The following DLG2 variants were observed in gnomAD, a reference collection of about 807,000 sequenced individuals.
DLG2 encodes discs large MAGUK scaffold protein 2, also known as disks large homolog 2.
In DLG2, 45 loss-of-function variants were observed where a neutral mutation model predicts 132.5. The observed-to-expected ratio is 0.34, with a 90% CI of 0.27 to 0.44. DLG2 has a LOEUF of 0.44. Among genes scored for constraint, DLG2 ranks in the 20% least tolerant of loss-of-function variants. DLG2 has a pLI of 1.00. For synonymous variants in DLG2, 424 were observed against 419.6 expected, an observed-to-expected ratio of 1.01 and a Z score of -0.13; for missense variants, 1,045 against 1,196.9, an observed-to-expected ratio of 0.87 and a Z score of 1.87.
intron 19 of DLG2, among the ~76,000 whole-genome samples, chr11:83,559,677 G>GCACTATATCCACT (rs2096577791): frequency 6.6e-6 from 1 of 152,196 alleles, no homozygotes; most frequent in African/African-American, 2.4e-5. Context: ...CTATATCCAT[G>GCACTATATCCACT]AGCCTATAGT....
At chr11:85,119,580 T>G (rs1229223505) in intron 5 of DLG2, among the ~76,000 whole-genome samples, 2 of 152,060 alleles carry the variant, frequency 1.3e-5, no homozygotes, top group African/African-American at 4.8e-5. Flanking sequence ...ATATTATTAC[T>G]ACTATAGAAA....
At chr11:84,861,173 C>T (rs1271849417) in intron 6 of DLG2, among the ~76,000 whole-genome samples, 3 of 151,940 alleles carry the variant, frequency 2.0e-5, no homozygotes, top group South Asian at 2.1e-4. Flanking sequence ...GGAACAATTT[C>T]CAGTGGTGGG....
At chr11:84,640,882 G>A (rs1037173747) in intron 6 of DLG2, among the ~76,000 whole-genome samples, 39 of 150,982 alleles carry the variant, frequency 2.6e-4, no homozygotes. Context: ...GGAGGTTGCA[G>A]TGAGCTGCGA....
At chr11:84,684,011 T>C (rs1456723749) in intron 6 of DLG2, among the ~76,000 whole-genome samples, 1 of 152,202 alleles carries the variant, frequency 6.6e-6, no homozygotes. Flanking sequence ...CTTGCATGAA[T>C]GTAGTTTTTC....
intron 6 of DLG2, among the ~76,000 whole-genome samples, chr11:85,006,052 C>A (rs7934113): frequency 0.036 from 5,419 of 151,928 alleles, 294 homozygotes; most frequent in African/African-American, 0.12. Context: ...GTTGAACCAG[C>A]CTTGCATCCC....
intron 9 of DLG2, among the ~76,000 whole-genome samples, chr11:84,140,875 T>C (rs1276369051): frequency 3.9e-5 from 6 of 152,140 alleles, no homozygotes; most frequent in African/African-American, 1.4e-4. Flanking sequence ...GTCTTCCATA[T>C]TTTCCATGTT....
intron 7 of DLG2, among the ~76,000 whole-genome samples, chr11:84,269,240 T>C (rs1046190005): frequency 1.3e-5 from 2 of 152,222 alleles, no homozygotes; most frequent in Non-Finnish European, 2.9e-5. Context: ...AAGGTTTGAC[T>C]GTGCCCTATT....
chr11:83,656,924 G>C (rs1456794667), intron 18 of DLG2, among the ~76,000 whole-genome samples: 1 of 151,962 alleles, frequency 6.6e-6, no homozygotes, highest in Non-Finnish European at 1.5e-5. Context: ...ACCTCCAATA[G>C]TCACGTTTTT....
intron 3 of DLG2, among the ~76,000 whole-genome samples, chr11:85,398,601 C>T (rs892030670): frequency 6.6e-6 from 1 of 151,992 alleles, no homozygotes; most frequent in Non-Finnish European, 1.5e-5. Context: ...GGGGATATCA[C>T]CACAATCCCA....
intron 7 of DLG2, chr11:84,273,298 TTG>T: frequency 7.5e-7 from 1 of 1,337,434 alleles, no homozygotes; most frequent in Non-Finnish European, 9.6e-7. Flanking sequence ...CAGAACCCAG[TTG>T]AAGAGGAAAA....
intron 3 of DLG2, among the ~76,000 whole-genome samples, chr11:85,408,937 G>A (rs2152976708): frequency 6.6e-6 from 1 of 151,982 alleles, no homozygotes; most frequent in Non-Finnish European, 1.5e-5. Flanking sequence ...GGGTCAAATG[G>A]TATTTCTAGT....
intron 6 of DLG2, among the ~76,000 whole-genome samples, chr11:84,608,761 C>T (rs1211832184): frequency 1.3e-5 from 2 of 152,082 alleles, no homozygotes; most frequent in African/African-American, 4.8e-5. Context: ...CTTTGTGAGA[C>T]AGAAATCAGA....
At chr11:84,861,952 C>T (rs1041388114) in intron 6 of DLG2, among the ~76,000 whole-genome samples, 8 of 147,324 alleles carry the variant, frequency 5.4e-5, no homozygotes, top group African/African-American at 1.3e-4. Context: ...AACCAAACAC[C>T]GCATATTCTC....
intron 8 of DLG2, among the ~76,000 whole-genome samples, chr11:84,236,953 G>A (rs1047011970): frequency 1.1e-4 from 16 of 148,382 alleles, no homozygotes; most frequent in African/African-American, 3.8e-4. Context: ...TTTTGAGATG[G>A]AGTCTCACTC....
At chr11:84,165,301 T>C (rs1031681752) in intron 8 of DLG2, among the ~76,000 whole-genome samples, 3 of 152,156 alleles carry the variant, frequency 2.0e-5, no homozygotes, top group African/African-American at 7.2e-5. Context: ...TTTTAGGAAG[T>C]GCTTAAAAGA....
At chr11:84,004,806 T>A (rs1174778687) in intron 11 of DLG2, among the ~76,000 whole-genome samples, 1 of 151,674 alleles carries the variant, frequency 6.6e-6, no homozygotes, top group African/African-American at 2.4e-5. Context: ...CATTTCATGC[T>A]CATGGGTTGA....
chr11:84,483,399 C>T (rs576977319), intron 7 of DLG2, among the ~76,000 whole-genome samples: 10 of 144,748 alleles, frequency 6.9e-5, no homozygotes, highest in Non-Finnish European at 1.5e-4. Flanking sequence ...CCATTGCACT[C>T]CAGCCTGTGC....
At chr11:85,172,409 A>T (rs1473610612) in intron 4 of DLG2, among the ~76,000 whole-genome samples, 4 of 152,196 alleles carry the variant, frequency 2.6e-5, no homozygotes, top group Non-Finnish European at 4.4e-5. Context: ...AACAAACAGA[A>T]AGCTACAACA....
chr11:84,596,202 C>CTT (rs1419575623), intron 6 of DLG2, among the ~76,000 whole-genome samples: 3 of 150,974 alleles, frequency 2.0e-5, no homozygotes, highest in Admixed American at 1.3e-4. Context: ...CTCTCTCTCT[C>CTT]TCTCTCTCTC....
Sources: allele counts gnomAD v4.1 joint callset (sites outside exome capture counted in the v4.1 genomes callset), GRCh38; gene constraint gnomAD v4.1.1; transcripts MANE v1.5; gene names NCBI Gene and HGNC (gene_info 2026-07-23, HGNC 2026-07-21).